The following ZNF487 variants were observed in gnomAD, a reference collection of about 807,000 sequenced individuals.
ZNF487 encodes the protein zinc finger protein 487, also known as KRAB domain only 1.
In ZNF487, 4 loss-of-function variants were observed where a neutral mutation model predicts 3.0. The ratio of observed to expected loss-of-function variants is 1.35; its 90% CI spans 0.66 to 3.08. ZNF487 has a LOEUF of 3.08. Ranked by LOEUF, ZNF487 falls within the 30% of genes most tolerant of loss-of-function variation. The pLI is 0.01. For missense variants in ZNF487, 146 were observed against 98.7 expected (o/e 1.48, Z -2.03); for synonymous variants, 55 against 34.6 (o/e 1.59, Z -2.06).
chr10:43,482,221 AAC>A lies in ZNF487; in HGVS notation c.*303_*304del. 1 of 458,666 alleles carries A rather than the reference AAC, an allele frequency of 2.2e-6. No individual in the cohort carries two copies. The highest frequency in any genetic ancestry group is 2.3e-5 in the South Asian group (1 of 44,206). The allele number at this position is 458,666 out of a possible 1,614,324, so 28.4% of individuals were successfully genotyped here. A position where few individuals can be genotyped will look rare whatever the true frequency, so the allele number is the denominator to read the frequency against. On this transcript the variant is annotated 3_prime_UTR_variant, in exon 4 of 4. Transcript: ENST00000437590. ...AGCCAAATTTCACTCAACATCAAGA[AAC>A]ACATATAGGAAAGAATGCCTATAAA...
chr10:43,450,526 G>C (rs968232221), intron 1 of ZNF487, among the ~76,000 whole-genome samples: 1 of 151,620 alleles, frequency 6.6e-6, no homozygotes. Flanking sequence ...CTAATTTTTT[G>C]TATTTTGAGT....
chr10:43,455,694 G>C (rs938972066), intron 1 of ZNF487, among the ~76,000 whole-genome samples: 6 of 152,242 alleles, frequency 3.9e-5, no homozygotes, highest in African/African-American at 1.2e-4. Context: ...GAGTGGCAGG[G>C]CTGGGCGCGG....
the ZNF487 span, among the ~76,000 whole-genome samples, chr10:43,488,966 T>G: frequency 5.6e-4 from 83 of 148,140 alleles, no homozygotes; most frequent in Admixed American, 1.1e-3. Context: ...AAAAAAAATA[T>G]GAAAAAATTA....
At position 43,483,014 on chromosome 10, in the gene ZNF487, C is replaced by CT; in HGVS notation, c.*1096dup. 1 of 483,260 alleles carries CT rather than the reference C, an allele frequency of 2.1e-6. No individual in the cohort carries two copies. Among genetic ancestry groups the CT allele is most frequent in the South Asian group, 1.5e-5 (1 of 66,948 alleles). The allele number at this position is 483,260 out of a possible 1,614,324, so 29.9% of individuals were successfully genotyped here. A position where few individuals can be genotyped will look rare whatever the true frequency, so the allele number is the denominator to read the frequency against. On this transcript the variant is annotated 3_prime_UTR_variant, in exon 4 of 4. Coordinates refer to ENST00000437590, the MANE Select transcript of ZNF487 (RefSeq NM_001355444.3). ...AGCAACCCTATGAATATAATGAAAG[C>CT]TTTTACCAGAATCCCAACTTCACTA...
downstream of ZNF487, among the ~76,000 whole-genome samples, chr10:43,485,960 C>T (rs1247200906): frequency 6.6e-6 from 1 of 152,158 alleles, no homozygotes; most frequent in Non-Finnish European, 1.5e-5. Flanking sequence ...GCATTTGTGC[C>T]TGTAATTCTA....
chr10:43,518,432 C>T, the ZNF487 span, among the ~76,000 whole-genome samples: 1 of 152,162 alleles, frequency 6.6e-6, no homozygotes, highest in Non-Finnish European at 1.5e-5. Flanking sequence ...GCCAGTGCCA[C>T]ACAGGTTCCC....
chr10:43,507,525 G>A, the ZNF487 span, among the ~76,000 whole-genome samples: 21 of 151,868 alleles, frequency 1.4e-4, no homozygotes, highest in African/African-American at 4.6e-4. Context: ...GCCCACAACC[G>A]AGGAGCTGAT....
chr10:43,447,549 T>C (rs1839857926), intron 1 of ZNF487, among the ~76,000 whole-genome samples: 1 of 152,144 alleles, frequency 6.6e-6, no homozygotes, highest in African/African-American at 2.4e-5. Context: ...GCCTGAATTA[T>C]GACATTTCTA....
rs1329383315 is a variant in ZNF487 at position 43,471,623 on chromosome 10, A to G, written c.-93-4098A>G. On this transcript the variant is annotated intron_variant, in intron 1 of 3. Coordinates refer to ENST00000437590, the MANE Select transcript of ZNF487 (RefSeq NM_001355444.3). ...TTGAGCAATGAAAATGGCTCTCAGCAGAGAGGGGAACTGGAAAGGGGACGG... is the reference window on the plus strand; with the variant it reads ...TTGAGCAATGAAAATGGCTCTCAGCGGAGAGGGGAACTGGAAAGGGGACGG... 2.6e-5 allele frequency among the ~76,000 whole-genome samples: 4 copies of G among 152,180 alleles called. No individual in the cohort carries two copies. In the East Asian group the frequency reaches 7.7e-4, roughly 29 times the overall value.
the ZNF487 span, among the ~76,000 whole-genome samples, chr10:43,501,567 C>T: frequency 1.3e-5 from 2 of 151,794 alleles, no homozygotes; most frequent in African/African-American, 2.4e-5. Context: ...TGGCGAAACC[C>T]CATCTCTACT....
intron 1 of ZNF487, among the ~76,000 whole-genome samples, chr10:43,455,338 T>A (rs1044636993): frequency 6.6e-6 from 1 of 152,120 alleles, no homozygotes; most frequent in African/African-American, 2.4e-5. Flanking sequence ...CACCCCCAAA[T>A]TCTGTGTATT....
At chr10:43,456,237 T>A (rs1174807450) in intron 1 of ZNF487, among the ~76,000 whole-genome samples, 1 of 152,144 alleles carries the variant, frequency 6.6e-6, no homozygotes, top group African/African-American at 2.4e-5. Context: ...CCAAATAAAA[T>A]GATTTTGGCC....
chr10:43,464,781 A>G (rs1032331455), intron 1 of ZNF487, among the ~76,000 whole-genome samples: 1 of 152,228 alleles, frequency 6.6e-6, no homozygotes, highest in South Asian at 2.1e-4. Context: ...TTCTACACAG[A>G]CACAGCAACC....
At chr10:43,486,171 T>A (rs1229414515), downstream of ZNF487, among the ~76,000 whole-genome samples, 1 of 152,200 alleles carries the variant, frequency 6.6e-6, no homozygotes, top group East Asian at 1.9e-4. Flanking sequence ...CAAGACAGAC[T>A]ATTATACTGG....
chr10:43,454,067 A>T (rs1427899319), intron 1 of ZNF487: 1 of 152,132 alleles, frequency 6.6e-6, no homozygotes, highest in Non-Finnish European at 1.5e-5. Flanking sequence ...TTTTTAAGGT[A>T]CGGAGTCTCG....
chr10:43,456,334 A>G (rs979058936), intron 1 of ZNF487, among the ~76,000 whole-genome samples: 11 of 152,210 alleles, frequency 7.2e-5, no homozygotes, highest in African/African-American at 2.4e-4. Context: ...ACTTCTCACC[A>G]GAGTTTCACA....
intron 1 of ZNF487, among the ~76,000 whole-genome samples, chr10:43,443,061 CTT>C (rs34420531): frequency 0.046 from 5,488 of 119,792 alleles, 97 homozygotes; most frequent in Middle Eastern, 0.065. Context: ...CTCGTTCTAG[CTT>C]TTTTTTTTTT....
Position 43,480,023 on chromosome 10 carries a change from CT to C in ZNF487, c.131-1403del, listed in dbSNP as rs768075650. ...TCTTTCTTTCTTTCTTTCTTTCTTT[CT>C]TTCTTTCTTTCTTTCTTTCTTTTTC... is the stretch of plus-strand genomic sequence containing the variant. On this transcript the variant is annotated intron_variant, in intron 3 of 3. Transcript: ENST00000437590. 1.2e-4 allele frequency among the ~76,000 whole-genome samples: 8 copies of C among 68,590 alleles called. 1 individual carries two copies. In the South Asian group the frequency reaches 3.2e-3, roughly 28 times the overall value. 45.0% of individuals were successfully genotyped at this position (68,590 alleles called of 152,430 possible).
At chr10:43,489,258 C>T in the ZNF487 span, among the ~76,000 whole-genome samples, 4 of 152,290 alleles carry the variant, frequency 2.6e-5, no homozygotes, top group Admixed American at 6.5e-5. Context: ...CAAGACCAAC[C>T]TGGCCAACAT....
Sources: allele counts gnomAD v4.1 joint callset (sites outside exome capture counted in the v4.1 genomes callset), GRCh38; gene constraint gnomAD v4.1.1; transcripts MANE v1.5; gene names NCBI Gene and HGNC (gene_info 2026-07-23, HGNC 2026-07-21).